Variants in PSTK observed in about 807,000 individuals in gnomAD.
PSTK encodes phosphoseryl-tRNA kinase.
A neutral mutation model predicts 38.6 loss-of-function variants in PSTK; 26 were observed. That is an observed-to-expected ratio of 0.67 (90% CI 0.49 to 0.94). PSTK has a LOEUF of 0.94. PSTK is among the 40% of genes least tolerant of loss of function. PSTK has a pLI of 0.00. For synonymous variants in PSTK, 181 were observed against 161.7 expected, an observed-to-expected ratio of 1.12 and a Z score of -0.91; for missense variants, 445 against 436.3, an observed-to-expected ratio of 1.02 and a Z score of -0.18.
intron 2 of PSTK, 40 bp from the exon 3 acceptor site, chr10:122,983,232 A>G (rs1247567677): frequency 6.7e-7 from 1 of 1,501,758 alleles, no homozygotes; most frequent in Non-Finnish European, 9.0e-7. Context: ...TTTTGGAAAA[A>G]GAGTATACCA....
intron 5 of PSTK, among the ~76,000 whole-genome samples, chr10:122,989,870 C>A (rs1849104301): frequency 6.6e-6 from 1 of 152,174 alleles, no homozygotes; most frequent in African/African-American, 2.4e-5. Flanking sequence ...TGCCTTTCTG[C>A]TTAATTCAGT....
intron 2 of PSTK, 45 bp downstream of exon 2, chr10:122,983,069 C>T (rs757033445): frequency 1.3e-6 from 2 of 1,516,244 alleles, no homozygotes; most frequent in Non-Finnish European, 1.8e-6. Context: ...TACTTATTCA[C>T]GTATCAAAAA....
chr10:122,988,823 C>A lies in PSTK; in HGVS notation c.878-1351C>A, dbSNP rs189896707. Among the ~76,000 whole-genome samples the A allele has an allele frequency of 6.6e-5, 10 of 152,270 alleles. No homozygotes were observed. In the East Asian group the frequency reaches 1.9e-3, roughly 29 times the overall value. ...CCTCAAACATACCGTTAGCACATGA[C>A]CCAACAATTCCATTCTCAGGTGTAT... On this transcript the variant is annotated intron_variant, in intron 5 of 5. Transcript: ENST00000406217.
intron 5 of PSTK, among the ~76,000 whole-genome samples, chr10:122,988,206 G>C (rs1849061481): frequency 6.6e-6 from 1 of 152,100 alleles, no homozygotes; most frequent in Admixed American, 6.5e-5. Context: ...GACCGGAACA[G>C]AAATGGCATC....
At position 122,980,521 on chromosome 10, in the gene PSTK, G is replaced by T; in HGVS notation, c.42G>T (p.Gly14=). The T allele has an allele frequency of 6.2e-7, 1 of 1,609,122 alleles. No homozygotes were observed. The change falls in exon 1 of 6, where the codon GGG becomes GGT. Residue 14 remains glycine (G), a synonymous_variant. Transcript: ENST00000406217. The surrounding 1 kb of genome is among the most constrained non-coding windows in gnomAD (Gnocchi z 4.3). The part of the protein sequence containing the change: ...AENIRGTGSD[G]PRKRGLCVLC... The stretch of plus-strand genomic sequence containing the variant: ...ACATCAGAGGAACCGGCAGCGACGG[G>T]CCGCGGAAACGAGGCCTCTGCGTCC...
rs1245304570 is a variant in PSTK at position 122,990,310 on chromosome 10, C to A, written c.1014C>A (p.Val338=). Residue 338 remains valine, a synonymous_variant, in exon 6 of 6, where the codon GTC becomes GTA. Coordinates refer to ENST00000406217, the MANE Select transcript of PSTK (RefSeq NM_001363531.2). ...CFQQTIDIPD[V]ISFFHYEKDN... ...AGCAAACCATTGACATACCAGATGT[C>A]ATTTCTTTTTTTCATTATGAGAAAG... 9 of 1,521,322 alleles carry A rather than the reference C, an allele frequency of 5.9e-6. No homozygotes were observed. Among genetic ancestry groups the A allele is most frequent in the Non-Finnish European group, 7.9e-6 (9 of 1,136,198 alleles). The allele number at this position is 1,521,322 out of a possible 1,614,324, so 94.2% of individuals were successfully genotyped here.
chr10:122,980,650 C>T lies in PSTK; in HGVS notation c.171C>T (p.Asp57=), dbSNP rs1345150863. Residue 57 remains aspartate (D), a synonymous_variant, in exon 1 of 6, where the codon GAC becomes GAT. Transcript: ENST00000406217. This position sits in a 1 kb window ranked among gnomAD's most constrained non-coding sequence, Gnocchi z 4.3. ...GWAIGVVAYD[D]VMPDAFLAGA... is the part of the protein sequence containing the mutation. ...CCATCGGTGTTGTCGCGTATGATGA[C>T]GTCATGCCCGACGCGTTTCTCGCCG... 2.5e-6 allele frequency: 4 copies of T among 1,602,494 alleles called. No homozygotes were observed. Among genetic ancestry groups the T allele is most frequent in the Non-Finnish European group, 3.4e-6 (4 of 1,175,370 alleles).
rs1316238578 is a variant in PSTK at position 122,983,325 on chromosome 10, C to T, written c.562C>T (p.Gln188Ter). ...AGATTGTCCTCTTGAGACCTGTTTA[C>T]AGAGGAATGGCCAGAGGCCACAGGC... is the stretch of plus-strand genomic sequence containing the variant. ...FLDCPLETCL[Q>*]RNGQRPQALP... The change falls in exon 3 of 6, where the codon CAG becomes TAG. Residue 188 changes from glutamine (Q) to a stop codon, truncating the protein, a stop_gained. Transcript: ENST00000406217. LOFTEE classifies it high-confidence loss of function. 2.5e-6 allele frequency: 4 copies of T among 1,614,178 alleles called. No homozygotes were observed. The highest frequency in any genetic ancestry group is 1.1e-5 in the South Asian group (1 of 91,088).
intron 1 of PSTK, among the ~76,000 whole-genome samples, chr10:122,981,664 G>A (rs1848960035): frequency 6.6e-6 from 1 of 152,194 alleles, no homozygotes; most frequent in African/African-American, 2.4e-5. Flanking sequence ...GGGCTCTCCA[G>A]CAAGGTGTAT....
At chr10:122,989,907 T>C (rs1208488279) in intron 5 of PSTK, among the ~76,000 whole-genome samples, 3 of 152,246 alleles carry the variant, frequency 2.0e-5, no homozygotes, top group South Asian at 2.1e-4. Context: ...TGTCTTGAGT[T>C]TTCTTGGCAA....
chr10:122,989,345 G>A (rs1056359884), intron 5 of PSTK, among the ~76,000 whole-genome samples: 3 of 151,972 alleles, frequency 2.0e-5, no homozygotes, highest in African/African-American at 7.3e-5. Flanking sequence ...TCCACCTCCC[G>A]GGTTCAAGTG....
Position 122,983,264 on chromosome 10 carries a change from G to A in PSTK, c.509-8G>A. 2 of 1,599,650 alleles carry A rather than the reference G, an allele frequency of 1.3e-6. No individual in the cohort carries two copies. Among genetic ancestry groups the A allele is most frequent in the African/African-American group, 1.3e-5 (1 of 74,174 alleles). On this transcript the variant is annotated splice_region_variant and splice_polypyrimidine_tract_variant and intron_variant, in intron 2 of 5. Transcript: ENST00000406217. ...ACCAGTAATTCTATCATTTTAAACT[G>A]TTTTCAGATTCGTTGGGCTTTTGCC...
intron 5 of PSTK, chr10:122,987,211 G>T: frequency 7.4e-7 from 1 of 1,348,050 alleles, no homozygotes. Flanking sequence ...GGAATCGGCA[G>T]GGAGCAGAAC....
In PSTK at chr10:122,982,965, TG is replaced by T. The variant is rs766132797; in HGVS notation, c.451del (p.Asp151MetfsTer9). 6.2e-7 allele frequency: 1 copy of T among 1,614,230 alleles called. No individual in the cohort carries two copies. On this transcript the variant is annotated frameshift_variant, in exon 2 of 6. Coordinates refer to ENST00000406217, the MANE Select transcript of PSTK (RefSeq NM_001363531.2). LOFTEE classifies it high-confidence loss of function. The stretch of plus-strand genomic sequence containing the variant: ...GTTTCTAGACCTTTGTTTTTGGTTT[TG>T]GATGACAATTTTTATTATCAGAGTA... ...TAVSRPLFLV[L>X]DDNFYYQSMR...
intron 4 of PSTK, 84 bp downstream of exon 4, chr10:122,986,459 G>GT: frequency 1.0e-6 from 1 of 990,614 alleles, no homozygotes; most frequent in Non-Finnish European, 1.6e-6. Flanking sequence ...TAAAATGTGA[G>GT]TGAAACGGGA....
At chr10:122,989,444 G>A (rs914289270) in intron 5 of PSTK, among the ~76,000 whole-genome samples, 10 of 152,062 alleles carry the variant, frequency 6.6e-5, no homozygotes, top group Non-Finnish European at 1.5e-4. Context: ...TAGAGGAGGG[G>A]TTTCACCATG....
intron 5 of PSTK, among the ~76,000 whole-genome samples, chr10:122,989,810 GAT>G (rs1849102203): frequency 6.6e-6 from 1 of 152,164 alleles, no homozygotes; most frequent in African/African-American, 2.4e-5. Flanking sequence ...TACTGTTCTA[GAT>G]ATTATTTATC....
rs747973559 is a variant in PSTK at position 122,982,798 on chromosome 10, C to T, written c.282C>T (p.Val94=). Residue 94 remains valine, a synonymous_variant, in exon 2 of 6, where the codon GTC becomes GTT. Transcript: ENST00000406217. Reference sequence around the variant, plus strand: ...ACCTGGAATACTTCTTGATGGCTGTCATTAATGGGTGTCAGATGTCTGTCC... The same window carrying T: ...ACCTGGAATACTTCTTGATGGCTGTTATTAATGGGTGTCAGATGTCTGTCC... ...LKYLEYFLMA[V]INGCQMSVPP... is the part of the protein sequence containing the mutation. The T allele has an allele frequency of 6.8e-6, 11 of 1,614,126 alleles. No homozygotes were observed. The highest frequency in any genetic ancestry group is 3.3e-5 in the South Asian group (3 of 91,084).
At chr10:122,989,394 G>A (rs1849088280) in intron 5 of PSTK, among the ~76,000 whole-genome samples, 1 of 152,112 alleles carries the variant, frequency 6.6e-6, no homozygotes, top group Non-Finnish European at 1.5e-5. Context: ...TGGGATTACA[G>A]GGATGTGCCA....
Sources: allele counts gnomAD v4.1 joint callset (sites outside exome capture counted in the v4.1 genomes callset), GRCh38; gene constraint gnomAD v4.1.1; non-coding constraint Gnocchi (gnomAD v3.1); transcripts MANE v1.5; gene names NCBI Gene and HGNC (gene_info 2026-07-23, HGNC 2026-07-21).